NAV3: variants seen among roughly 807,000 people sequenced by gnomAD.
The protein encoded by NAV3 is neuron navigator 3, also known as pore membrane and/or filament interacting like protein 1.
Under a neutral mutation model 244.7 loss-of-function variants are expected in NAV3, and 87 were observed. The ratio of observed to expected loss-of-function variants is 0.36; its 90% confidence interval spans 0.30 to 0.42. The LOEUF (loss-of-function observed/expected upper bound fraction) is 0.42. NAV3 is among the 20% of genes least tolerant of loss of function. The pLI is 1.00. For synonymous variants in NAV3, 1,126 were observed against 1,042.2 expected (o/e 1.08, Z -1.55); for missense variants, 2,663 against 2,893.3 (o/e 0.92, Z 1.83).
intron 2 of NAV3, among the ~76,000 whole-genome samples, chr12:77,790,809 G>A (rs1052704288): frequency 6.6e-6 from 1 of 152,132 alleles, no homozygotes; most frequent in South Asian, 2.1e-4. Flanking sequence ...ATTCAGGAGT[G>A]CAAACCAGAG....
chr12:78,091,296 T>C (rs1953918986), intron 12 of NAV3, among the ~76,000 whole-genome samples: 1 of 152,190 alleles, frequency 6.6e-6, no homozygotes, highest in Admixed American at 6.5e-5. Flanking sequence ...AATAGAATTA[T>C]GTTGGATTCC....
intron 2 of NAV3, among the ~76,000 whole-genome samples, chr12:77,676,268 C>T (rs1226245887): frequency 1.3e-5 from 2 of 151,892 alleles, no homozygotes; most frequent in Non-Finnish European, 2.9e-5. Flanking sequence ...ACCAACAGGC[C>T]CCATTGTGCT....
At chr12:78,173,187 A>G (rs2139615692) in intron 24 of NAV3, among the ~76,000 whole-genome samples, 1 of 151,782 alleles carries the variant, frequency 6.6e-6, no homozygotes, top group African/African-American at 2.4e-5. Context: ...ACTTACAAGC[A>G]CTAAAAAAGA....
In NAV3 at chr12:77,956,447, C is replaced by A. The variant is rs1891366145; in HGVS notation, c.415-9782C>A. On this transcript the variant is annotated intron_variant, in intron 3 of 39. Transcript: ENST00000397909. The stretch of plus-strand genomic sequence containing the variant: ...CTTTAGCCATTTTCTAACTTGGATG[C>A]ATTTCTTATGGAGAGAGAAATAAAT... Among the ~76,000 whole-genome samples, 4 of 152,132 alleles carry A rather than the reference C, an allele frequency of 2.6e-5. No homozygotes were observed. In the South Asian group the frequency reaches 8.3e-4, roughly 31 times the overall value.
chr12:77,622,210 A>C (rs920839917), intron 2 of NAV3, among the ~76,000 whole-genome samples: 1 of 152,050 alleles, frequency 6.6e-6, no homozygotes, highest in African/African-American at 2.4e-5. Flanking sequence ...CCCAGGCTGC[A>C]GTGCAGTGGC....
chr12:77,690,428 T>A (rs1271761287), intron 2 of NAV3, among the ~76,000 whole-genome samples: 1 of 151,848 alleles, frequency 6.6e-6, no homozygotes, highest in Non-Finnish European at 1.5e-5. Flanking sequence ...AACAAAGTAG[T>A]TAAAGTCGTA....
chr12:77,715,061 CT>C (rs1876298318), intron 2 of NAV3, among the ~76,000 whole-genome samples: 1 of 151,904 alleles, frequency 6.6e-6, no homozygotes, highest in Non-Finnish European at 1.5e-5. Flanking sequence ...TGATTTGGTT[CT>C]CCCATTGAAG....
chr12:77,759,191 T>A (rs1010421872), intron 2 of NAV3, among the ~76,000 whole-genome samples: 1 of 152,166 alleles, frequency 6.6e-6, no homozygotes. Flanking sequence ...TGTTTCATTG[T>A]TTTTAATTTA....
At chr12:77,797,569 G>A (rs573329250) in intron 2 of NAV3, among the ~76,000 whole-genome samples, 10 of 141,562 alleles carry the variant, frequency 7.1e-5, no homozygotes, top group Non-Finnish European at 1.4e-4. Context: ...TAGGCCGGGC[G>A]TGGTGGCTCA....
intron 1 of NAV3, among the ~76,000 whole-genome samples, chr12:77,876,087 C>T (rs1383717432): frequency 3.9e-5 from 6 of 152,108 alleles, no homozygotes; most frequent in Middle Eastern, 3.4e-3. Flanking sequence ...TTAATTTATG[C>T]TTCTCTCAGT....
chr12:77,716,114 C>T (rs1203297547), intron 2 of NAV3, among the ~76,000 whole-genome samples: 1 of 151,942 alleles, frequency 6.6e-6, no homozygotes, highest in Non-Finnish European at 1.5e-5. Context: ...GAAATTTAAA[C>T]AGTCTCATTT....
rs1878085004 is a variant in NAV3, at chr12:77,854,605, GTT to G, written c.243+22903_243+22904del. Among the ~76,000 whole-genome samples, 4 of 151,772 alleles carry G rather than the reference GTT, an allele frequency of 2.6e-5. No individual in the cohort carries two copies. In the East Asian group the frequency reaches 5.8e-4, roughly 22 times the overall value. ...TGTGTGTATGTGTGTGTGTGTGTGT[GTT>G]TGTGTGTGTGTGTTAAAATTATTGG... On this transcript the variant is annotated intron_variant, in intron 1 of 39. Transcript: ENST00000397909.
chr12:78,143,005 C>T (rs1319149676), intron 20 of NAV3, among the ~76,000 whole-genome samples: 1 of 151,760 alleles, frequency 6.6e-6, no homozygotes, highest in Non-Finnish European at 1.5e-5. Flanking sequence ...ATGATCAGGC[C>T]TTAGGATTTA....
intron 18 of NAV3, among the ~76,000 whole-genome samples, chr12:78,132,673 CTG>C (rs1197137610): frequency 6.6e-6 from 1 of 152,050 alleles, no homozygotes; most frequent in Non-Finnish European, 1.5e-5. Context: ...GTTGTTTTTC[CTG>C]TAGACTTTTT....
intron 17 of NAV3, among the ~76,000 whole-genome samples, chr12:78,127,494 C>A (rs1236517874): frequency 6.6e-6 from 1 of 152,034 alleles, no homozygotes; most frequent in Non-Finnish European, 1.5e-5. Flanking sequence ...CAAAAACAAA[C>A]AAACAAAAAA....
chr12:78,142,136 T>C (rs1275049943), intron 20 of NAV3, among the ~76,000 whole-genome samples: 1 of 152,136 alleles, frequency 6.6e-6, no homozygotes, highest in Non-Finnish European at 1.5e-5. Context: ...AGAAATGATA[T>C]TCTTCCTAAA....
chr12:78,079,181 C>A (rs1953220280), intron 12 of NAV3, among the ~76,000 whole-genome samples: 1 of 152,160 alleles, frequency 6.6e-6, no homozygotes, highest in Admixed American at 6.5e-5. Flanking sequence ...GCCATTGAGT[C>A]CTACATCCTG....
At chr12:78,197,510 T>C in intron 35 of NAV3, 109 bp downstream of exon 35, 1 of 755,574 alleles carries the variant, frequency 1.3e-6, no homozygotes, top group Non-Finnish European at 2.0e-6. Context: ...TAATTTTTAT[T>C]TTTTAAATTG....
intron 2 of NAV3, among the ~76,000 whole-genome samples, chr12:77,665,055 T>C (rs1873654685): frequency 6.6e-6 from 1 of 152,202 alleles, no homozygotes; most frequent in South Asian, 2.1e-4. Context: ...TGATGAAAGT[T>C]ATGTAAACAA....
Sources: gnomAD v4.1 joint callset for allele counts (sites outside exome capture counted in the v4.1 genomes callset) on GRCh38, gnomAD v4.1.1 for gene constraint, MANE v1.5 for transcripts, NCBI Gene and HGNC (gene_info 2026-07-23, HGNC 2026-07-21) for gene names.